Variants in CCDC9 observed in about 807,000 individuals in gnomAD.
The protein encoded by CCDC9 is coiled-coil domain-containing protein 9.
Under a neutral mutation model 65.6 loss-of-function variants are expected in CCDC9, and 52 were observed. The ratio of observed to expected loss-of-function variants is 0.79; its 90% CI spans 0.63 to 1.00. The LOEUF is 1.00. Among genes scored for constraint, CCDC9 ranks in the 50% least tolerant of loss-of-function variants. The pLI is 0.00. For synonymous variants in CCDC9, 332 were observed against 280.3 expected (o/e 1.18, Z -1.84); for missense variants, 834 against 757.2 (o/e 1.10, Z -1.19).
At chr19:47,273,435 C>T (rs2059136138), downstream of CCDC9, 11 of 1,226,474 alleles carry the variant, frequency 9.0e-6, no homozygotes, top group South Asian at 3.7e-4. Flanking sequence ...GTGGCGGCCC[C>T]TCCGCTGCCG....
chr19:47,258,473 AG>A (rs1201934735), intron 2 of CCDC9, 70 bp downstream of exon 2: 2 of 1,607,598 alleles, frequency 1.2e-6, no homozygotes, highest in Non-Finnish European at 1.7e-6. Flanking sequence ...TGGGATCCAT[AG>A]GGGCAGACTC....
Position 47,260,598 on chromosome 19 carries a change from T to G in CCDC9, c.221T>G (p.Leu74Arg). Residue 74 changes from leucine to arginine, a missense_variant, in exon 5 of 12, where the codon CTG becomes CGG. Physicochemically the swap from Leu to Arg is moderately radical, Grantham distance 102. Coordinates refer to ENST00000221922, the MANE Select transcript of CCDC9 (RefSeq NM_015603.3). Reference protein sequence around the residue: ...ENVAVESEKNLGPSRRSPGTP... With the variant: ...ENVAVESEKNRGPSRRSPGTP... ...TCTCCCCTCTTCCAGGAGAAGAACCTGGGTCCTTCCCGGAGGTCTCCTGGG... is the reference window on the plus strand; with the variant it reads ...TCTCCCCTCTTCCAGGAGAAGAACCGGGGTCCTTCCCGGAGGTCTCCTGGG... 6.5e-7 allele frequency: 1 copy of G among 1,529,354 alleles called. No homozygotes were observed. The highest frequency in any genetic ancestry group is 8.7e-7 in the Non-Finnish European group (1 of 1,146,846). The allele number at this position is 1,529,354 out of a possible 1,614,324, so 94.7% of individuals were successfully genotyped here. A position where few individuals can be genotyped will look rare whatever the true frequency, so the allele number is the denominator to read the frequency against.
chr19:47,275,015 G>C (rs1274963272), downstream of CCDC9: 2 of 1,482,792 alleles, frequency 1.3e-6, no homozygotes, highest in Non-Finnish European at 1.8e-6. Flanking sequence ...GCTTGGCTCC[G>C]GTATGCGCCT....
Position 47,258,566 on chromosome 19 carries a change from C to T in CCDC9, c.11C>T (p.Thr4Ile), listed in dbSNP as rs1444000550. The change falls in exon 3 of 12, where the codon ACA becomes ATA. Residue 4 changes from threonine to isoleucine, a missense_variant. Transcript: ENST00000221922. Reference sequence around the variant, plus strand: ...ACTGCCTCCCGGTCTCAGGCAGCCACACTCGATTTGAAATCAAAGGAGGAG... The same window carrying T: ...ACTGCCTCCCGGTCTCAGGCAGCCATACTCGATTTGAAATCAAAGGAGGAG... Reference protein sequence around the residue: MAATLDLKSKEEKD... With the variant: MAAILDLKSKEEKD... The T allele has an allele frequency of 1.2e-6, 2 of 1,613,996 alleles. No homozygotes were observed. The highest frequency in any genetic ancestry group is 1.7e-5 in the Admixed American group (1 of 60,008).
At position 47,271,488 on chromosome 19, in the gene CCDC9, T is replaced by A. The variant is rs2059117197; in HGVS notation, c.1406T>A (p.Val469Asp). The A allele has an allele frequency of 6.2e-7, 1 of 1,611,652 alleles. No individual in the cohort carries two copies. The highest frequency in any genetic ancestry group is 8.5e-7 in the Non-Finnish European group (1 of 1,179,456). ...CCCTGCAGTGAGCAGGCCCACGGAG[T>A]CCCCTTCAGTCCGGAGGAGCCCCTG... ...GIPCSEQAHG[V>D]PFSPEEPLLE... Residue 469 changes from valine to aspartate, a missense_variant, in exon 12 of 12, where the codon GTC becomes GAC. By Grantham distance (152) the Val-to-Asp change is radical. Coordinates refer to ENST00000221922, the MANE Select transcript of CCDC9 (RefSeq NM_015603.3).
intron 7 of CCDC9, chr19:47,266,407 TC>T (rs1270446986): frequency 3.2e-6 from 2 of 617,894 alleles, no homozygotes; most frequent in Non-Finnish European, 5.1e-6. Context: ...TGGAGAAAAA[TC>T]CAGCAGCTGA....
chr19:47,275,340 C>T (rs1600299113), downstream of CCDC9: 1 of 1,543,160 alleles, frequency 6.5e-7, no homozygotes, highest in Admixed American at 2.0e-5. Flanking sequence ...GGGGCGAAGA[C>T]CCGGGTAACT....
At position 47,266,004 on chromosome 19, in the gene CCDC9, T is replaced by C. The variant is rs1191299054; in HGVS notation, c.721-607T>C. ...CCTGGCTTTTTTTTTTTTTTTTTTT[T>C]TTTTTTTTTGAGACAGAGTCTTGCC... On this transcript the variant is annotated intron_variant, in intron 7 of 11. Transcript: ENST00000221922. Among the ~76,000 whole-genome samples, 265 of 113,622 alleles carry C rather than the reference T, an allele frequency of 2.3e-3. 7 individuals are homozygous for C. The highest frequency in any genetic ancestry group is 8.5e-3 in the African/African-American group (255 of 30,074). 74.5% of individuals were successfully genotyped at this position (113,622 alleles called of 152,430 possible).
At chr19:47,266,343 G>A in intron 7 of CCDC9, 2 of 417,378 alleles carry the variant, frequency 4.8e-6, no homozygotes, top group Non-Finnish European at 8.4e-6. Flanking sequence ...GTTTCTTCTG[G>A]TGGGAGCTGA....
In CCDC9 at chr19:47,260,623, G is replaced by C. The variant is rs755710031; in HGVS notation, c.246G>C (p.Gly82=). 6.6e-7 allele frequency: 1 copy of C among 1,524,792 alleles called. No individual in the cohort carries two copies. The allele number at this position is 1,524,792 out of a possible 1,614,324, so 94.5% of individuals were successfully genotyped here. A position where few individuals can be genotyped will look rare whatever the true frequency, so the allele number is the denominator to read the frequency against. Residue 82 remains glycine, a synonymous_variant, in exon 5 of 12, where the codon GGG becomes GGC. Transcript: ENST00000221922. The part of the protein sequence containing the change: ...KNLGPSRRSP[G]TPRPPGASKG... The stretch of plus-strand genomic sequence containing the variant: ...TGGGTCCTTCCCGGAGGTCTCCTGG[G>C]ACCCCTCGGCCCCCAGGGGCCAGCA...
chr19:47,268,328 G>A (rs1041666943), intron 8 of CCDC9, among the ~76,000 whole-genome samples: 1 of 152,130 alleles, frequency 6.6e-6, no homozygotes, highest in Non-Finnish European at 1.5e-5. Context: ...GCAACTTTAG[G>A]TTTTACCTCA....
In CCDC9 at chr19:47,271,453, C is replaced by T. The variant is rs1276091521; in HGVS notation, c.1371C>T (p.Pro457=). The part of the protein sequence containing the change: ...AQDHQAPEAA[P]TGIPCSEQAH... ...ACCACCAAGCCCCAGAGGCTGCCCCCACCGGGATCCCCTGCAGTGAGCAGG... is the reference window on the plus strand; with the variant it reads ...ACCACCAAGCCCCAGAGGCTGCCCCTACCGGGATCCCCTGCAGTGAGCAGG... Residue 457 remains proline (P), a synonymous_variant, in exon 12 of 12, where the codon CCC becomes CCT. Transcript: ENST00000221922. 1 of 1,613,590 alleles carries T rather than the reference C, an allele frequency of 6.2e-7. No homozygotes were observed. Among genetic ancestry groups the T allele is most frequent in the East Asian group, 2.2e-5 (1 of 44,840 alleles).
downstream of CCDC9, chr19:47,275,445 A>G (rs1483895977): frequency 4.2e-6 from 6 of 1,412,420 alleles, no homozygotes; most frequent in East Asian, 6.0e-5. Flanking sequence ...CCTTCTTCCT[A>G]ATGACATCGC....
chr19:47,264,191 T>C (rs982020863), intron 5 of CCDC9, among the ~76,000 whole-genome samples: 1 of 152,180 alleles, frequency 6.6e-6, no homozygotes, highest in African/African-American at 2.4e-5. Context: ...ACTTTTAAAA[T>C]TTTTTGTAGA....
At chr19:47,275,103 G>C (rs1474558452), downstream of CCDC9, 2 of 1,493,250 alleles carry the variant, frequency 1.3e-6, no homozygotes, top group East Asian at 5.7e-5. Flanking sequence ...GCGGTCTCCC[G>C]CGGCACCCGC....
At chr19:47,273,399 TC>T, downstream of CCDC9, 1 of 1,231,804 alleles carries the variant, frequency 8.1e-7, no homozygotes. Context: ...ATCACCGACT[TC>T]CAGAGGGTGC....
At chr19:47,260,174 G>A (rs1469582692) in intron 3 of CCDC9, 147 bp from the exon 4 acceptor site, 2 of 622,342 alleles carry the variant, frequency 3.2e-6, no homozygotes, top group Non-Finnish European at 5.8e-6. Flanking sequence ...AACGTGCTGA[G>A]GTTTGAGGGA....
intron 5 of CCDC9, among the ~76,000 whole-genome samples, chr19:47,262,801 G>T (rs1405181631): frequency 1.3e-5 from 2 of 152,072 alleles, no homozygotes; most frequent in African/African-American, 2.4e-5. Context: ...TAGCTACTTG[G>T]AATGCTGGGT....
chr19:47,271,591 T>C lies in CCDC9; in HGVS notation c.1509T>C (p.Gly503=), dbSNP rs746929459. Residue 503 remains glycine, a synonymous_variant, in exon 12 of 12, where the codon GGT becomes GGC. Transcript: ENST00000221922. ...GCCACCAGCCTGTGTCCGATTGGGG[T>C]GAAGAGGTGGAGCTGAATTCTCCCC... ...PSGHQPVSDW[G]EEVELNSPRT... The C allele has an allele frequency of 1.2e-6, 2 of 1,612,494 alleles. No homozygotes were observed. Among genetic ancestry groups the C allele is most frequent in the Admixed American group, 3.3e-5 (2 of 59,960 alleles).
Sources: gnomAD v4.1 joint callset for allele counts (sites outside exome capture counted in the v4.1 genomes callset) on GRCh38, gnomAD v4.1.1 for gene constraint, MANE v1.5 for transcripts, NCBI Gene and HGNC (gene_info 2026-07-23, HGNC 2026-07-21) for gene names.